Variants in WDR87 observed in about 807,000 individuals in gnomAD.
WDR87 encodes the protein WD repeat domain 87, also known as WD repeat-containing protein 87.
WDR87 carries 56 observed loss-of-function variants against 83.3 expected under a neutral mutation model. That is an observed-to-expected ratio of 0.67 (90% CI 0.54 to 0.84). The LOEUF is 0.84. Among genes scored for constraint, WDR87 ranks in the 40% least tolerant of loss-of-function variants. The pLI is 0.00. For synonymous variants in WDR87, 1,173 were observed against 1,250.6 expected, an observed-to-expected ratio of 0.94 and a Z score of 1.31; for missense variants, 2,939 against 3,431.9, an observed-to-expected ratio of 0.86 and a Z score of 3.59.
chr19:37,885,833 A>G lies in WDR87; in HGVS notation c.7838T>C (p.Val2613Ala). ...CTCCAGGGCCTGTCTGTGACGGTAC[A>G]CAATGGCTTCATGTTTGGCCAGATG... is the stretch of plus-strand genomic sequence containing the variant. ...WLHLAKHEAIVYRHRQALESQ... is the reference protein window; with the variant it reads ...WLHLAKHEAIAYRHRQALESQ... Residue 2613 changes from valine (V) to alanine (A), a missense_variant, in exon 6 of 6, where the codon GTG (valine) becomes GCG (alanine). This residue lies in a region of WDR87 where 2,160 missense variants were observed against 2,533.1 expected (regional missense o/e 0.85). Transcript: ENST00000447313. The G allele has an allele frequency of 1.3e-6, 2 of 1,551,912 alleles. No homozygotes were observed.
intron 1 of WDR87, among the ~76,000 whole-genome samples, chr19:37,905,128 A>G (rs557630934): frequency 2.5e-4 from 38 of 151,194 alleles, no homozygotes; most frequent in Non-Finnish European, 5.2e-4. Flanking sequence ...GCTACTTGGG[A>G]GGCTGAGGCA....
At position 37,894,425 on chromosome 19, in the gene WDR87, T is replaced by C; in HGVS notation, c.1278A>G (p.Val426=). 1 of 1,551,734 alleles carries C rather than the reference T, an allele frequency of 6.4e-7. No homozygotes were observed. Among genetic ancestry groups the C allele is most frequent in the Non-Finnish European group, 8.7e-7 (1 of 1,147,000 alleles). ...CCAGAACCTCTGAGCTGCCTGTTGCTACAAAGAGCTCCTCTTTACCTGGGT... is the reference window on the plus strand; with the variant it reads ...CCAGAACCTCTGAGCTGCCTGTTGCCACAAAGAGCTCCTCTTTACCTGGGT... ...AYDPGKEELF[V]ATGSSEVLVF... Residue 426 remains valine (V), a synonymous_variant, in exon 4 of 6, where the codon GTA becomes GTG. Transcript: ENST00000447313.
At chr19:37,902,418 A>G (rs2046299062) in intron 1 of WDR87, among the ~76,000 whole-genome samples, 1 of 151,352 alleles carries the variant, frequency 6.6e-6, no homozygotes, top group Non-Finnish European at 1.5e-5. Context: ...GGGTTTTACC[A>G]TGTTGGCCAG....
At position 37,889,885 on chromosome 19, in the gene WDR87, C is replaced by T. The variant is rs1398279953; in HGVS notation, c.3786G>A (p.Gly1262=). 1 of 1,551,630 alleles carries T rather than the reference C, an allele frequency of 6.4e-7. No homozygotes were observed. Among genetic ancestry groups the T allele is most frequent in the Admixed American group, 2.0e-5 (1 of 50,972 alleles). ...QPVTKKVKIQ[G]RGASGISGRR... The stretch of plus-strand genomic sequence containing the variant: ...GGCCAGATATTCCAGAGGCTCCCCG[C>T]CCTTGGATTTTAACCTTTTTAGTAA... The change falls in exon 6 of 6, where the codon GGG becomes GGA. Residue 1262 remains glycine, a synonymous_variant. Transcript: ENST00000447313.
chr19:37,898,057 G>C, intron 2 of WDR87, 108 bp downstream of exon 2: 2 of 1,336,832 alleles, frequency 1.5e-6, no homozygotes, highest in Non-Finnish European at 2.1e-6. Flanking sequence ...AGTATACCCT[G>C]TTTGCTTCCT....
intron 1 of WDR87, among the ~76,000 whole-genome samples, chr19:37,900,560 C>CAAAAAAAAAA (rs58946958): frequency 5.1e-5 from 4 of 78,086 alleles, no homozygotes; most frequent in East Asian, 4.2e-4. Flanking sequence ...GACTCCGTCT[C>CAAAAAAAAAA]AAAAAAAAAA....
Position 37,885,481 on chromosome 19 carries a change from T to C in WDR87, c.8190A>G (p.Gln2730=). The change falls in exon 6 of 6, where the codon CAA becomes CAG. Residue 2730 remains glutamine, a synonymous_variant. Coordinates refer to ENST00000447313, the MANE Select transcript of WDR87 (RefSeq NM_001291088.2). ...VEKQTLALMF[Q]KDFWDFKDKR... is the part of the protein sequence containing the mutation. ...TATCCTTAAAATCCCAGAAGTCCTTTTGAAACATCAGTGCCAGGGTTTGTT... is the reference window on the plus strand; with the variant it reads ...TATCCTTAAAATCCCAGAAGTCCTTCTGAAACATCAGTGCCAGGGTTTGTT... 6.4e-7 allele frequency: 1 copy of C among 1,551,616 alleles called. No individual in the cohort carries two copies. Among genetic ancestry groups the C allele is most frequent in the Non-Finnish European group, 8.7e-7 (1 of 1,147,014 alleles).
At chr19:37,896,772 C>G (rs1376958541) in intron 2 of WDR87, among the ~76,000 whole-genome samples, 1 of 152,136 alleles carries the variant, frequency 6.6e-6, no homozygotes, top group Non-Finnish European at 1.5e-5. Flanking sequence ...GCACATGCCA[C>G]CAGGCCCTGC....
rs180684844 is a variant in WDR87 at position 37,889,849 on chromosome 19, G to T, written c.3822C>A (p.Thr1274=). 3 of 1,551,636 alleles carry T rather than the reference G, an allele frequency of 1.9e-6. No homozygotes were observed. The African/African-American group carries it at 4.1e-5, about 21-fold the overall frequency. ...GASGISGRRS[T]AGDGSSWRDD... ...CCCTCCATGATGAGCCATCTCCAGC[G>T]GTTGACCTGCGGCCAGATATTCCAG... The change falls in exon 6 of 6, where the codon ACC becomes ACA. Residue 1274 remains threonine, a synonymous_variant. Transcript: ENST00000447313.
At chr19:37,900,560 CAAAAA>C (rs58946958) in intron 1 of WDR87, among the ~76,000 whole-genome samples, 2 of 78,086 alleles carry the variant, frequency 2.6e-5, no homozygotes, top group Admixed American at 1.6e-4. Flanking sequence ...GACTCCGTCT[CAAAAA>C]AAAAAAAAAA....
chr19:37,893,256 C>CAA lies in WDR87; in HGVS notation c.2446_2447insTT (p.Trp816PhefsTer14). Reference sequence around the variant, plus strand: ...GATATAGCAGTCAGGGGCAAAAAGCCATTCCCGCCCATGACCAAAGTAGTA... The same window carrying CAA: ...GATATAGCAGTCAGGGGCAAAAAGCCAAATTCCCGCCCATGACCAAAGTAGTA... On this transcript the variant is annotated frameshift_variant, in exon 4 of 6. Transcript: ENST00000447313. LOFTEE classifies it high-confidence loss of function. 4 of 1,551,810 alleles carry CAA rather than the reference C, an allele frequency of 2.6e-6. No homozygotes were observed. The highest frequency in any genetic ancestry group is 3.5e-6 in the Non-Finnish European group (4 of 1,147,022).
chr19:37,885,001 C>A lies in WDR87; in HGVS notation c.8670G>T (p.Trp2890Cys), dbSNP rs2046129657. 2.1e-6 allele frequency: 3 copies of A among 1,404,970 alleles called. No individual in the cohort carries two copies. The highest frequency in any genetic ancestry group is 2.8e-6 in the Non-Finnish European group (3 of 1,075,800). The allele number at this position is 1,404,970 out of a possible 1,614,324, so 87.0% of individuals were successfully genotyped here. The change falls in exon 6 of 6, where the codon TGG (tryptophan) becomes TGT (cysteine). Residue 2890 changes from tryptophan to cysteine, a missense_variant. Trp to Cys is a radical substitution (Grantham distance 215). Around this residue, in one of 3 missense-constraint regions of WDR87, gnomAD observed 2,160 missense variants for 2,533.1 expected, o/e 0.85. Coordinates refer to ENST00000447313, the MANE Select transcript of WDR87 (RefSeq NM_001291088.2). ...GAAGATCAGCTTCAGGCAGGCTCTT[C>A]CAGGCAAGTTCTAAGATCCCATACC... is the stretch of plus-strand genomic sequence containing the variant. ...IARYGILELAWKSLPEADLHL... is the reference protein window; with the variant it reads ...IARYGILELACKSLPEADLHL...
chr19:37,885,430 C>G lies in WDR87; in HGVS notation c.8241G>C (p.Lys2747Asn), dbSNP rs1225419034. ...AAATGGGCTGTGTCTTCTTCTCTAA[C>G]TTGGGCAGTTTAGGAAACCTGCGTT... ...KDKRRFPKLP[K>N]LEKKTQPISK... The change falls in exon 6 of 6, where the codon AAG becomes AAC. Residue 2747 changes from lysine (K) to asparagine (N), a missense_variant. This residue lies in a region of WDR87 where 2,160 missense variants were observed against 2,533.1 expected (regional missense o/e 0.85). Coordinates refer to ENST00000447313, the MANE Select transcript of WDR87 (RefSeq NM_001291088.2). The G allele has an allele frequency of 6.4e-7, 1 of 1,551,802 alleles. No homozygotes were observed. Among genetic ancestry groups the G allele is most frequent in the South Asian group, 1.2e-5 (1 of 84,062 alleles).
At chr19:37,890,420 CT>C (rs1438925853) in intron 5 of WDR87, 144 bp from the exon 6 acceptor site, 1 of 1,114,548 alleles carries the variant, frequency 9.0e-7, no homozygotes, top group African/African-American at 1.6e-5. Context: ...AAAAAGCATT[CT>C]CTTTGCTTTA....
rs1384848626 is a variant in WDR87 at position 37,886,163 on chromosome 19, G to T, written c.7508C>A (p.Thr2503Asn). The T allele has an allele frequency of 6.4e-7, 1 of 1,551,698 alleles. No homozygotes were observed. Among genetic ancestry groups the T allele is most frequent in the Non-Finnish European group, 8.7e-7 (1 of 1,146,992 alleles). The change falls in exon 6 of 6, where the codon ACC (threonine) becomes AAC (asparagine). Residue 2503 changes from threonine to asparagine, a missense_variant. Thr to Asn is a moderately conservative substitution (Grantham distance 65). Coordinates refer to ENST00000447313, the MANE Select transcript of WDR87 (RefSeq NM_001291088.2). The part of the protein sequence containing the change: ...VLESQAQDLK[T>N]PFMSHILRRT... Reference sequence around the variant, plus strand: ...CCTTAATATGTGGGACATAAATGGGGTCTTTAAGTCCTGTGCTTGGGACTC... The same window carrying T: ...CCTTAATATGTGGGACATAAATGGGTTCTTTAAGTCCTGTGCTTGGGACTC...
chr19:37,885,054 G>A lies in WDR87; in HGVS notation c.8617C>T (p.Arg2873Cys), dbSNP rs191985830. The change falls in exon 6 of 6, where the codon CGC becomes TGC. Residue 2873 changes from arginine to cysteine, a missense_variant. By Grantham distance (180) the Arg-to-Cys change is radical. This residue lies in a region of WDR87 where 2,160 missense variants were observed against 2,533.1 expected (regional missense o/e 0.85). Coordinates refer to ENST00000447313, the MANE Select transcript of WDR87 (RefSeq NM_001291088.2). Reference protein sequence around the residue: ...AVPLPWQNCVRTILPVGIARY... With the variant: ...AVPLPWQNCVCTILPVGIARY... ...GCAATGCCCACGGGAAGGATGGTGC[G>A]CACACAGTTCTGCCATGGGAGGGGT... The A allele has an allele frequency of 3.8e-5, 56 of 1,468,322 alleles. 1 individual carries two copies. Among genetic ancestry groups the A allele is most frequent in the East Asian group, 2.3e-4 (9 of 39,888 alleles). The allele number at this position is 1,468,322 out of a possible 1,614,324, so 91.0% of individuals were successfully genotyped here.
chr19:37,885,138 A>G lies in WDR87; in HGVS notation c.8533T>C (p.Cys2845Arg). 1 of 1,463,794 alleles carries G rather than the reference A, an allele frequency of 6.8e-7. No individual in the cohort carries two copies. The highest frequency in any genetic ancestry group is 9.0e-7 in the Non-Finnish European group (1 of 1,108,434). 90.7% of individuals were successfully genotyped at this position (1,463,794 alleles called of 1,614,324 possible). A position where few individuals can be genotyped will look rare whatever the true frequency, so the allele number is the denominator to read the frequency against. The part of the protein sequence containing the change: ...ELVPGERLFC[C>R]LFCGSSHTPR... ...GTATGAGAACTGCCACAAAACAGGC[A>G]GCAGAACAGCCGTTCCCCGGGAACT... Residue 2845 changes from cysteine to arginine, a missense_variant, in exon 6 of 6, where the codon TGC (cysteine) becomes CGC (arginine). By Grantham distance (180) the Cys-to-Arg change is radical. This residue lies in a region of WDR87 where 2,160 missense variants were observed against 2,533.1 expected (regional missense o/e 0.85). Coordinates refer to ENST00000447313, the MANE Select transcript of WDR87 (RefSeq NM_001291088.2).
chr19:37,887,401 C>A lies in WDR87; in HGVS notation c.6270G>T (p.Lys2090Asn). 6.4e-7 allele frequency: 1 copy of A among 1,551,638 alleles called. No individual in the cohort carries two copies. Among genetic ancestry groups the A allele is most frequent in the Non-Finnish European group, 8.7e-7 (1 of 1,146,966 alleles). The part of the protein sequence containing the change: ...GQRIFVQGQR[K>N]LAKASRKLIK... ...TCAACTTCCTTGAAGCCTTGGCTAA[C>A]TTTCTTTGCCCCTGGACAAATATTC... is the stretch of plus-strand genomic sequence containing the variant. The change falls in exon 6 of 6, where the codon AAG (lysine) becomes AAT (asparagine). Residue 2090 changes from lysine (K) to asparagine (N), a missense_variant. By Grantham distance (94) the Lys-to-Asn change is moderately conservative. This residue lies in a region of WDR87 where 2,160 missense variants were observed against 2,533.1 expected (regional missense o/e 0.85). Transcript: ENST00000447313.
chr19:37,890,100 C>A lies in WDR87; in HGVS notation c.3571G>T (p.Asp1191Tyr). The change falls in exon 6 of 6, where the codon GAT (aspartate) becomes TAT (tyrosine). Residue 1191 changes from aspartate to tyrosine, a missense_variant. Asp to Tyr is a radical substitution (Grantham distance 160). Transcript: ENST00000447313. ...SSTSVIKLSK[D>Y]VDSQEKDISK... Reference sequence around the variant, plus strand: ...ATATCTTTCTCTTGAGAATCAACATCTTTTGAGAGCTTTATTACACTGGTG... The same window carrying A: ...ATATCTTTCTCTTGAGAATCAACATATTTTGAGAGCTTTATTACACTGGTG... 3 of 1,551,948 alleles carry A rather than the reference C, an allele frequency of 1.9e-6. No individual in the cohort carries two copies. The highest frequency in any genetic ancestry group is 3.3e-4 in the Middle Eastern group (2 of 5,994).
Sources: gnomAD v4.1 joint callset for allele counts (sites outside exome capture counted in the v4.1 genomes callset) on GRCh38, gnomAD v4.1.1 for gene constraint, gnomAD v4.1.1 regional missense constraint, MANE v1.5 for transcripts, NCBI Gene and HGNC (gene_info 2026-07-23, HGNC 2026-07-21) for gene names.